Variants in CACNA1E observed in about 807,000 individuals in gnomAD.
CACNA1E encodes the protein calcium voltage-gated channel subunit alpha1 E, also known as voltage-dependent R-type calcium channel subunit alpha-1E.
In CACNA1E, 40 loss-of-function variants were observed where a neutral mutation model predicts 259.2. The observed-to-expected ratio is 0.15, with a 90% CI of 0.12 to 0.20. The LOEUF is 0.20. CACNA1E is among the 10% of genes least tolerant of loss of function. The probability of loss-of-function intolerance (pLI) is 1.00; values close to 1 mark genes in which losing one functional copy is unlikely to be tolerated. For missense variants in CACNA1E, 1,874 were observed against 3,040.1 expected (o/e 0.62, Z 9.02); for synonymous variants, 1,104 against 1,138.5 (o/e 0.97, Z 0.61).
chr1:181,432,420 A>G (rs1461107612), intron 2 of CACNA1E, among the ~76,000 whole-genome samples: 1 of 152,146 alleles, frequency 6.6e-6, no homozygotes, highest in Non-Finnish European at 1.5e-5. Context: ...AATCACATGT[A>G]CCCTAAAACT....
At chr1:181,537,424 T>C (rs1443907242) in intron 3 of CACNA1E, among the ~76,000 whole-genome samples, 1 of 152,184 alleles carries the variant, frequency 6.6e-6, no homozygotes, top group Non-Finnish European at 1.5e-5. Flanking sequence ...AAAATCAGAT[T>C]GTAGCTACTT....
At chr1:181,391,423 G>C (rs908839961) in intron 1 of CACNA1E, among the ~76,000 whole-genome samples, 3 of 152,170 alleles carry the variant, frequency 2.0e-5, no homozygotes, top group Non-Finnish European at 4.4e-5. Flanking sequence ...GGCAACCCAG[G>C]GCAGGCAGCC....
chr1:181,353,484 G>A (rs1653192136), intron 1 of CACNA1E, among the ~76,000 whole-genome samples: 1 of 152,188 alleles, frequency 6.6e-6, no homozygotes, highest in Admixed American at 6.5e-5. Context: ...AATGAAAGGG[G>A]AACATTCCAG....
intron 2 of CACNA1E, among the ~76,000 whole-genome samples, chr1:181,438,107 G>T (rs578057132): frequency 2.0e-5 from 3 of 152,150 alleles, no homozygotes; most frequent in Admixed American, 2.0e-4. Flanking sequence ...GAGGTGTGTG[G>T]TGAGAATGGT....
rs141359636 is a variant in CACNA1E at position 181,348,129 on chromosome 1, G to A, written c.-15+30006G>A. ...CTTGAAGCCGTGCGTCTCATGGAGG[G>A]TGGTATTGATGCCAGTTGCAGCTCA... is the stretch of plus-strand genomic sequence containing the variant. On this transcript the variant is annotated intron_variant, in intron 1 of 11. Coordinates refer to the CACNA1E transcript ENST00000524607. Among the ~76,000 whole-genome samples the A allele has an allele frequency of 3.6e-3, 551 of 151,984 alleles. 6 individuals carry two copies. The highest frequency in any genetic ancestry group is 0.013 in the African/African-American group (527 of 41,456).
chr1:181,349,062 C>T (rs1652831916), intron 1 of CACNA1E, among the ~76,000 whole-genome samples: 1 of 148,842 alleles, frequency 6.7e-6, no homozygotes, highest in African/African-American at 2.5e-5. Context: ...GCTCCTCAGA[C>T]AGCAGCATCC....
rs138477473 is a variant in CACNA1E at position 181,464,094 on chromosome 1, T to C, written c.435-19650T>C. Among the ~76,000 whole-genome samples the C allele has an allele frequency of 7.2e-4, 110 of 152,230 alleles. No individual in the cohort carries two copies. The East Asian group carries it at 0.019, about 27-fold the overall frequency. ...TATCTGCTGTTTCTGGGCACTTTAT[T>C]TTATTCCACTGGTCTATTTGTATAT... On this transcript the variant is annotated intron_variant, in intron 2 of 11. Transcript: ENST00000524607.
At chr1:181,797,880 T>C (rs569181955) in intron 47 of CACNA1E, among the ~76,000 whole-genome samples, 1 of 152,328 alleles carries the variant, frequency 6.6e-6, no homozygotes, top group Non-Finnish European at 1.5e-5. Context: ...TCCACAGAGT[T>C]GTCTTTCTCA....
chr1:181,731,324 G>T (rs968302086), intron 19 of CACNA1E, 93 bp downstream of exon 19: 1 of 953,136 alleles, frequency 1.0e-6, no homozygotes, highest in African/African-American at 1.6e-5. Context: ...GTGGCACTGG[G>T]TGTGCATGTC....
chr1:181,739,724 G>A (rs961344399), intron 25 of CACNA1E, among the ~76,000 whole-genome samples: 8 of 152,170 alleles, frequency 5.3e-5, no homozygotes, highest in Non-Finnish European at 1.5e-5. Context: ...AGGTGTAAAC[G>A]AGAGCTCTTC....
chr1:181,718,566 C>G (rs1654120108), intron 12 of CACNA1E, among the ~76,000 whole-genome samples: 1 of 140,854 alleles, frequency 7.1e-6, no homozygotes, highest in African/African-American at 2.7e-5. Context: ...TGTTTTTCTA[C>G]TTCAGTTTAA....
chr1:181,417,360 C>T (rs1459627249), intron 2 of CACNA1E, among the ~76,000 whole-genome samples: 1 of 152,214 alleles, frequency 6.6e-6, no homozygotes, highest in African/African-American at 2.4e-5. Context: ...GAATCATCCA[C>T]AAAGGGCAAG....
Position 181,491,285 on chromosome 1 carries a change from C to G in CACNA1E, c.266+7275C>G, listed in dbSNP as rs10910942. Among the ~76,000 whole-genome samples, 507 of 152,284 alleles carry G rather than the reference C, an allele frequency of 3.3e-3. 2 individuals are homozygous for G. The highest frequency in any genetic ancestry group is 0.011 in the African/African-American group (476 of 41,548). ...TTGATGTCAGACATAGGCGGTCTGC[C>G]CGTTTCATCTACACTACTGGCTGTC... On this transcript the variant is annotated intron_variant, in intron 1 of 47. Transcript: ENST00000367573.
intron 3 of CACNA1E, among the ~76,000 whole-genome samples, chr1:181,555,996 C>T (rs1648680315): frequency 6.6e-6 from 1 of 152,152 alleles, no homozygotes; most frequent in South Asian, 2.1e-4. Flanking sequence ...AAAACATGGG[C>T]CTAGACCAGC....
chr1:181,609,116 G>A (rs967175529), intron 6 of CACNA1E, among the ~76,000 whole-genome samples: 1 of 152,224 alleles, frequency 6.6e-6, no homozygotes, highest in Non-Finnish European at 1.5e-5. Flanking sequence ...TTGCCCAGCA[G>A]GGCTACCTCC....
At chr1:181,466,547 T>TAAACAAAAAAAACA (rs1558025964) in intron 2 of CACNA1E, among the ~76,000 whole-genome samples, 1 of 151,086 alleles carries the variant, frequency 6.6e-6, no homozygotes, top group Non-Finnish European at 1.5e-5. Context: ...GACTCTGTCT[T>TAAACAAAAAAAACA]AAACAAAACA....
intron 7 of CACNA1E, among the ~76,000 whole-genome samples, chr1:181,653,467 G>A (rs902398929): frequency 3.9e-5 from 6 of 152,186 alleles, no homozygotes; most frequent in East Asian, 1.9e-4. Context: ...CCCCAGCCAC[G>A]TGGAACTGTG....
chr1:181,785,684 TTTCCTTCTTC>T lies in CACNA1E; in HGVS notation c.5680-24_5680-15del, dbSNP rs775262823. On this transcript the variant is annotated intron_variant, in intron 42 of 47. Coordinates refer to ENST00000367573, the MANE Select transcript of CACNA1E (RefSeq NM_001205293.3). ...GCAAACTCCGTAGTCATTGGAATTC[TTTCCTTCTTC>T]TTCCCTCTTTTTACCCAGAAAAATG... is the stretch of plus-strand genomic sequence containing the variant. The T allele has an allele frequency of 6.2e-6, 9 of 1,460,788 alleles. No individual in the cohort carries two copies. The highest frequency in any genetic ancestry group is 8.6e-6 in the Non-Finnish European group (9 of 1,041,138). The allele number at this position is 1,460,788 out of a possible 1,614,324, so 90.5% of individuals were successfully genotyped here.
Position 181,733,736 on chromosome 1 carries a change from C to A in CACNA1E, c.3248C>A (p.Ser1083Ter). 1 of 1,562,484 alleles carries A rather than the reference C, an allele frequency of 6.4e-7. No homozygotes were observed. Among genetic ancestry groups the A allele is most frequent in the East Asian group, 2.3e-5 (1 of 42,924 alleles). The change falls in exon 21 of 48, where the codon TCA becomes TAA. Residue 1083 changes from serine to a stop codon, truncating the protein, a stop_gained. Transcript: ENST00000367573. LOFTEE classifies it high-confidence loss of function. The stretch of plus-strand genomic sequence containing the variant: ...CCCGACGTGGACCCCTTGGTGGACT[C>A]AACCGTGGTGCACAGTGAGAGCACA... ...AIPDVDPLVD[S>*]TVVHISNKTD...
Sources: allele counts gnomAD v4.1 joint callset (sites outside exome capture counted in the v4.1 genomes callset), GRCh38; gene constraint gnomAD v4.1.1; transcripts MANE v1.5; gene names NCBI Gene and HGNC (gene_info 2026-07-23, HGNC 2026-07-21).